The following MAST3 variants were observed in gnomAD, a reference collection of about 807,000 sequenced individuals.
MAST3 encodes the protein microtubule-associated serine/threonine-protein kinase 3.
In MAST3, 43 loss-of-function variants were observed where a neutral mutation model predicts 127.0. The observed-to-expected ratio is 0.34, with a 90% CI of 0.27 to 0.44. The LOEUF (loss-of-function observed/expected upper bound fraction) is 0.44, where lower values mean the gene tolerates loss of function less well. Ranked by LOEUF, MAST3 falls within the 20% of genes least tolerant of loss-of-function variation. The pLI, the probability that MAST3 is intolerant of heterozygous loss-of-function variation, is 1.00. For synonymous variants in MAST3, 785 were observed against 809.2 expected, an observed-to-expected ratio of 0.97 and a Z score of 0.51; for missense variants, 1,390 against 1,919.1, an observed-to-expected ratio of 0.72 and a Z score of 5.15.
intron 1 of MAST3, among the ~76,000 whole-genome samples, chr19:18,104,107 G>T (rs935825333): frequency 2.2e-5 from 3 of 138,686 alleles, no homozygotes; most frequent in Non-Finnish European, 3.0e-5. Flanking sequence ...AGCTACTCTG[G>T]AGGCGGAGGT....
In MAST3 at chr19:18,143,802, A is replaced by G; in HGVS notation, c.2379A>G (p.Ser793=). ...SWTSSGSSCQ[S]SSSQPERGPS... is the part of the protein sequence containing the mutation. ...CATCCTCTGGATCCTCCTGTCAGTC[A>G]TCTTCGTCCCAGCCCGAGCGGGGTC... The change falls in exon 22 of 28, where the codon TCA becomes TCG. Residue 793 remains serine (S), a synonymous_variant. Transcript: ENST00000687212. The G allele has an allele frequency of 6.2e-7, 1 of 1,613,758 alleles. No individual in the cohort carries two copies.
At position 18,123,306 on chromosome 19, in the gene MAST3, C is replaced by T. The variant is rs372834871; in HGVS notation, c.489C>T (p.Ser163=). 38 of 1,613,746 alleles carry T rather than the reference C, an allele frequency of 2.4e-5. No individual in the cohort carries two copies. The highest frequency in any genetic ancestry group is 3.0e-5 in the Non-Finnish European group (35 of 1,179,892). ...ACTTCCTGTCCAAGCACTTCCGCAG[C>T]TCAGAGAATGTGCTTGATGAGGAAG... ...ELHFLSKHFR[S]SENVLDEEGG... is the part of the protein sequence containing the mutation. Residue 163 remains serine (S), a synonymous_variant, in exon 7 of 28, where the codon AGC becomes AGT. Coordinates refer to ENST00000687212, the MANE Select transcript of MAST3 (RefSeq NM_001393504.1).
chr19:18,109,144 G>T (rs534451985), intron 2 of MAST3, among the ~76,000 whole-genome samples: 3 of 152,270 alleles, frequency 2.0e-5, no homozygotes, highest in Admixed American at 2.0e-4. Context: ...AAGTTTCTGG[G>T]GTGCCAGTAT....
In MAST3 at chr19:18,145,743, A is replaced by G. The variant is rs757271533; in HGVS notation, c.3040A>G (p.Ser1014Gly). 10 of 1,581,442 alleles carry G rather than the reference A, an allele frequency of 6.3e-6. No individual in the cohort carries two copies. The African/African-American group carries it at 1.4e-4, about 22-fold the overall frequency. The part of the protein sequence containing the change: ...DVYTVHHVVW[S>G]VEDGSPAQEA... ...CCCCACCGTTCTCGTCTGCCCCCAGAGTGTGGAGGACGGAAGCCCCGCCCA... is the reference window on the plus strand; with the variant it reads ...CCCCACCGTTCTCGTCTGCCCCCAGGGTGTGGAGGACGGAAGCCCCGCCCA... The change falls in exon 25 of 28, where the codon AGT becomes GGT. Residue 1014 changes from serine (S) to glycine (G), a missense_variant and splice_region_variant. Transcript: ENST00000687212. This position sits in a 1 kb window ranked among gnomAD's most constrained non-coding sequence, Gnocchi z 5.9.
rs1568624342 is a variant in MAST3 at position 18,150,029 on chromosome 19, C to T, written c.*303C>T. On this transcript the variant is annotated 3_prime_UTR_variant, in exon 28 of 28. Transcript: ENST00000687212. ...TGAGACAGAGTCTCACTCTGTTGCC[C>T]GGGCTGGAGTGCAGCGGCGTGATCT... The T allele has an allele frequency of 1.3e-5, 4 of 304,062 alleles. No homozygotes were observed. Among genetic ancestry groups the T allele is most frequent in the African/African-American group, 2.4e-5 (1 of 42,108 alleles). The allele number at this position is 304,062 out of a possible 1,614,324, so 18.8% of individuals were successfully genotyped here.
At chr19:18,116,804 T>TGGGAAAAGC (rs2039317452) in intron 3 of MAST3, among the ~76,000 whole-genome samples, 1 of 296 alleles carries the variant, frequency 3.4e-3, no homozygotes, top group Non-Finnish European at 8.3e-3. Context: ...TCCCAGCTTC[T>TGGGAAAAGC]CGGGAGGCTG....
At chr19:18,129,286 C>A in intron 13 of MAST3, 1 of 284,128 alleles carries the variant, frequency 3.5e-6, no homozygotes, top group Non-Finnish European at 6.8e-6. Context: ...GGCAGGCTTG[C>A]ATACAAGGGA....
Position 18,130,511 on chromosome 19 carries a change from G to A in MAST3, c.1241G>A (p.Arg414Gln), listed in dbSNP as rs1238212018. Reference protein sequence around the residue: ...NGAYGAVYLVRHRDTRQRFAI... With the variant: ...NGAYGAVYLVQHRDTRQRFAI... ...GTCCCCAGGGCCGTCTACCTGGTGC[G>A]GCACCGTGACACACGGCAGCGCTTT... The change falls in exon 14 of 28, where the codon CGG (arginine) becomes CAG (glutamine). Residue 414 changes from arginine (R) to glutamine (Q), a missense_variant. Physicochemically the swap from Arg to Gln is conservative, Grantham distance 43 (BLOSUM62 1). This residue lies in a region of MAST3 where 277 missense variants were observed against 384.8 expected (regional missense o/e 0.72). Transcript: ENST00000687212. 5.6e-6 allele frequency: 9 copies of A among 1,604,500 alleles called. No homozygotes were observed. Among genetic ancestry groups the A allele is most frequent in the Non-Finnish European group, 7.7e-6 (9 of 1,175,356 alleles).
intron 8 of MAST3, 130 bp from the exon 9 acceptor site, chr19:18,123,807 GCA>G (rs2040272653): frequency 4.7e-6 from 5 of 1,065,416 alleles, no homozygotes; most frequent in Non-Finnish European, 6.7e-6. Context: ...CGTTCCTCCT[GCA>G]CCAGCCCTCC....
Position 18,145,404 on chromosome 19 carries a change from A to AGGAT in MAST3, c.3039+187_3039+190dup, listed in dbSNP as rs2042922882. 6.6e-6 allele frequency among the ~76,000 whole-genome samples: 1 copy of AGGAT among 152,110 alleles called. No homozygotes were observed. Among genetic ancestry groups the AGGAT allele is most frequent in the Non-Finnish European group, 1.5e-5 (1 of 68,016 alleles). ...GGGAGGAGGTCAGATGAGAGAGACA[A>AGGAT]GGATGGATGGATGGAAGCTCACAGA... On this transcript the variant is annotated intron_variant, in intron 24 of 27. Transcript: ENST00000687212. The surrounding 1 kb of genome is among the most constrained non-coding windows in gnomAD (Gnocchi z 5.9).
At chr19:18,137,210 C>T (rs1477438435) in intron 18 of MAST3, 29 bp from the exon 19 acceptor site, 2 of 1,591,712 alleles carry the variant, frequency 1.3e-6, no homozygotes, top group East Asian at 2.2e-5. Context: ...AGGTGAGGAC[C>T]TGCAGGGCTC....
intron 3 of MAST3, chr19:18,118,067 C>A: frequency 1.0e-6 from 1 of 984,220 alleles, no homozygotes; most frequent in Non-Finnish European, 1.2e-6. Flanking sequence ...CCGTGCGCCC[C>A]CCTCCCTGTC....
chr19:18,107,975 C>T lies in MAST3; in HGVS notation c.71+357C>T, dbSNP rs111617614. On this transcript the variant is annotated intron_variant, in intron 2 of 27. Coordinates refer to ENST00000687212, the MANE Select transcript of MAST3 (RefSeq NM_001393504.1). ...GCCTCTCATGACGGGGAGCTCACTT[C>T]CTTTTGGGGAACACCAGCAGAAAAT... Among the ~76,000 whole-genome samples, 187 of 152,246 alleles carry T rather than the reference C, an allele frequency of 1.2e-3. 1 individual carries two copies. Among genetic ancestry groups the T allele is most frequent in the African/African-American group, 4.3e-3 (178 of 41,546 alleles).
rs1315961853 is a variant in MAST3 at position 18,134,915 on chromosome 19, G to A, written c.1803G>A (p.Glu601=). 2 of 1,614,022 alleles carry A rather than the reference G, an allele frequency of 1.2e-6. No homozygotes were observed. The highest frequency in any genetic ancestry group is 1.7e-6 in the Non-Finnish European group (2 of 1,179,920). The stretch of plus-strand genomic sequence containing the variant: ...GGGCCATGGGCGTCGTCCTCTATGA[G>A]TTTCTGGTGGGCTGCGTGCCTTTCT... ...DWWAMGVVLY[E]FLVGCVPFFG... Residue 601 remains glutamate (E), a synonymous_variant, in exon 17 of 28, where the codon GAG becomes GAA. Coordinates refer to ENST00000687212, the MANE Select transcript of MAST3 (RefSeq NM_001393504.1).
chr19:18,146,892 G>A lies in MAST3; in HGVS notation c.3174G>A (p.Lys1058=). 3.9e-6 allele frequency: 6 copies of A among 1,555,022 alleles called. No individual in the cohort carries two copies. Among genetic ancestry groups the A allele is most frequent in the Non-Finnish European group, 5.2e-6 (6 of 1,148,894 alleles). The change falls in exon 26 of 28, where the codon AAG becomes AAA. Residue 1058 remains lysine (K), a synonymous_variant. Transcript: ENST00000687212. ...VVELLLKSGN[K]ISLRTTALEN... ...CATCCCTCCCGCAGAGCGGCAACAA[G>A]ATATCCCTGCGGACCACAGCCCTGG...
At chr19:18,126,486 G>A (rs955425582) in intron 11 of MAST3, among the ~76,000 whole-genome samples, 6 of 152,136 alleles carry the variant, frequency 3.9e-5, no homozygotes, top group African/African-American at 1.4e-4. Flanking sequence ...TTGAAAGCTG[G>A]GGAGGCCCGG....
rs56347763 is a variant in MAST3, at chr19:18,104,179, C to CA, written c.40-3368dup. On this transcript the variant is annotated intron_variant, in intron 1 of 27. Transcript: ENST00000687212. ...TGGGCGACATAGCCAGACGCTGTCT[C>CA]AAAAAAAAAAAAAAAAAAAAAAAAA... 2.6e-3 allele frequency among the ~76,000 whole-genome samples: 111 copies of CA among 43,484 alleles called. 13 individuals are homozygous for CA. Among genetic ancestry groups the CA allele is most frequent in the African/African-American group, 6.3e-3 (56 of 8,856 alleles). The allele number at this position is 43,484 out of a possible 152,430, so 28.5% of individuals were successfully genotyped here.
In MAST3 at chr19:18,149,561, C is replaced by G; in HGVS notation, c.3879C>G (p.His1293Gln). The change falls in exon 28 of 28, where the codon CAC becomes CAG. Residue 1293 changes from histidine to glutamine, a missense_variant. This residue lies in a region of MAST3 where 816 missense variants were observed against 934.1 expected (regional missense o/e 0.87). Coordinates refer to ENST00000687212, the MANE Select transcript of MAST3 (RefSeq NM_001393504.1). This position sits in a 1 kb window ranked among gnomAD's most constrained non-coding sequence, Gnocchi z 5.9. The part of the protein sequence containing the change: ...EAELVVMRRL[H>Q]LSERRDSFKK... ...AGCTCGTGGTCATGCGGCGGCTGCA[C>G]CTGTCCGAGCGCCGAGACTCCTTCA... 6.3e-7 allele frequency: 1 copy of G among 1,588,030 alleles called. No individual in the cohort carries two copies. The highest frequency in any genetic ancestry group is 8.6e-7 in the Non-Finnish European group (1 of 1,168,380).
At chr19:18,102,332 A>G (rs2037709137) in intron 1 of MAST3, among the ~76,000 whole-genome samples, 2 of 152,042 alleles carry the variant, frequency 1.3e-5, no homozygotes, top group Non-Finnish European at 2.9e-5. Context: ...GGCATGCGCC[A>G]CCACATCCTG....
Sources: allele counts gnomAD v4.1 joint callset (sites outside exome capture counted in the v4.1 genomes callset), GRCh38; gene constraint gnomAD v4.1.1; regional missense constraint gnomAD v4.1.1; non-coding constraint Gnocchi (gnomAD v3.1); transcripts MANE v1.5; gene names NCBI Gene and HGNC (gene_info 2026-07-23, HGNC 2026-07-21).